KLHL5: variants seen among roughly 807,000 people sequenced by gnomAD.
KLHL5 encodes kelch like family member 5.
A neutral mutation model predicts 77.7 loss-of-function variants in KLHL5; 48 were observed. The ratio of observed to expected loss-of-function variants is 0.62; its 90% CI spans 0.49 to 0.79. The LOEUF is 0.79. Among genes scored for constraint, KLHL5 ranks in the 30% least tolerant of loss-of-function variants. The probability of loss-of-function intolerance (pLI) is 0.00; values close to 1 mark genes in which losing one functional copy is unlikely to be tolerated. For synonymous variants in KLHL5, 260 were observed against 297.0 expected, an observed-to-expected ratio of 0.88 and a Z score of 1.28; for missense variants, 723 against 859.7, an observed-to-expected ratio of 0.84 and a Z score of 1.99.
intron 9 of KLHL5, 156 bp downstream of exon 9, chr4:39,113,388 A>G: frequency 1.6e-6 from 1 of 617,220 alleles, no homozygotes; most frequent in Non-Finnish European, 2.8e-6. Context: ...TCTCACAGGA[A>G]GTGATACTTC....
At chr4:39,071,076 A>G (rs959597340) in intron 1 of KLHL5, among the ~76,000 whole-genome samples, 3 of 152,164 alleles carry the variant, frequency 2.0e-5, no homozygotes, top group African/African-American at 7.2e-5. Flanking sequence ...TTGTCTGTAT[A>G]TTATATAGAA....
chr4:39,119,165 G>A (rs1395880764), intron 10 of KLHL5, among the ~76,000 whole-genome samples: 2 of 152,114 alleles, frequency 1.3e-5, no homozygotes, highest in South Asian at 2.1e-4. Context: ...TATAATTAAT[G>A]CTTTATGCTA....
intron 1 of KLHL5, among the ~76,000 whole-genome samples, chr4:39,067,285 A>G (rs1332857936): frequency 6.6e-6 from 1 of 152,138 alleles, no homozygotes; most frequent in African/African-American, 2.4e-5. Flanking sequence ...TGCCTTACTC[A>G]GTTGAGATTT....
intron 7 of KLHL5, among the ~76,000 whole-genome samples, chr4:39,106,545 G>C (rs6810770): frequency 0.51 from 76,807 of 152,040 alleles, 19,596 homozygotes; most frequent in Admixed American, 0.58. Context: ...GCTCAGCTCC[G>C]TGCTGATGAA....
At chr4:39,082,287 A>T (rs1719688480) in intron 4 of KLHL5, 128 bp downstream of exon 4, 1 of 715,700 alleles carries the variant, frequency 1.4e-6, no homozygotes, top group African/African-American at 1.8e-5. Context: ...TTCATTGCCT[A>T]GTGTGTCATA....
At chr4:39,129,274 C>G (rs929249872), downstream of KLHL5, among the ~76,000 whole-genome samples, 172 of 150,478 alleles carry the variant, frequency 1.1e-3, no homozygotes, top group African/African-American at 4.1e-3. This position sits in a 1 kb window ranked among gnomAD's most constrained non-coding sequence, Gnocchi z 4.2. Context: ...GTGGCACAAT[C>G]TCGGCTCACT....
Position 39,063,390 on chromosome 4 carries a change from A to G in KLHL5, c.383+355A>G, listed in dbSNP as rs80125849. Among the ~76,000 whole-genome samples the G allele has an allele frequency of 7.3e-3, 1,107 of 152,294 alleles. 7 individuals carry two copies. The highest frequency in any genetic ancestry group is 0.011 in the Non-Finnish European group (769 of 68,006). ...TATCAAAACTATAGAAGATATTTCT[A>G]TAGTATGAAATTTTATGTGACATTT... On this transcript the variant is annotated intron_variant, in intron 1 of 10. Transcript: ENST00000504108.
chr4:39,090,274 TA>T (rs954616242), intron 5 of KLHL5, among the ~76,000 whole-genome samples: 4 of 152,188 alleles, frequency 2.6e-5, no homozygotes. Context: ...TGATACCAAC[TA>T]AATGAGATTT....
intron 1 of KLHL5, among the ~76,000 whole-genome samples, chr4:39,074,747 A>T (rs1718845059): frequency 6.6e-6 from 1 of 152,126 alleles, no homozygotes; most frequent in Non-Finnish European, 1.5e-5. Flanking sequence ...TGATAAGGTT[A>T]TTATATTAAC....
chr4:39,106,271 A>G (rs1722030732), intron 7 of KLHL5, among the ~76,000 whole-genome samples: 1 of 152,042 alleles, frequency 6.6e-6, no homozygotes, highest in Non-Finnish European at 1.5e-5. Context: ...TTCCCCAGCT[A>G]TCTCCAAATC....
At chr4:39,053,551 TG>T (rs1716806524) in intron 1 of KLHL5, among the ~76,000 whole-genome samples, 1 of 152,192 alleles carries the variant, frequency 6.6e-6, no homozygotes, top group African/African-American at 2.4e-5. Flanking sequence ...AATTTAGCAG[TG>T]GTTTTCCATC....
chr4:39,107,438 G>A (rs1399625103), intron 7 of KLHL5, 131 bp from the exon 8 acceptor site: 1 of 227,670 alleles, frequency 4.4e-6, no homozygotes, highest in South Asian at 1.1e-4. Context: ...GAGGACACTT[G>A]TCTGCATCAT....
intron 5 of KLHL5, chr4:39,093,370 T>C (rs1435202729): frequency 4.4e-6 from 2 of 455,586 alleles, no homozygotes; most frequent in Admixed American, 4.7e-5. Flanking sequence ...TAAATGGGCA[T>C]GTGGGATCTA....
chr4:39,105,807 CAA>C (rs758420720), intron 7 of KLHL5, among the ~76,000 whole-genome samples: 38 of 150,886 alleles, frequency 2.5e-4, no homozygotes, highest in Admixed American at 4.0e-4. Context: ...TGGTGGGGCA[CAA>C]TATATAACAT....
chr4:39,074,118 G>A (rs1718774953), intron 1 of KLHL5, among the ~76,000 whole-genome samples: 1 of 152,170 alleles, frequency 6.6e-6, no homozygotes, highest in Middle Eastern at 3.4e-3. Flanking sequence ...GTGAAGTTGA[G>A]TATTACTTGA....
chr4:39,061,727 C>T (rs1717427369), upstream of KLHL5, among the ~76,000 whole-genome samples: 1 of 152,184 alleles, frequency 6.6e-6, no homozygotes, highest in East Asian at 1.9e-4. Flanking sequence ...TTTCCTTTTC[C>T]TAAGTAATGT....
intron 7 of KLHL5, among the ~76,000 whole-genome samples, chr4:39,104,446 G>A (rs1054193702): frequency 6.6e-6 from 1 of 152,126 alleles, no homozygotes; most frequent in African/African-American, 2.4e-5. Flanking sequence ...AGTCAACTGC[G>A]TGCTTCCCCT....
At chr4:39,108,698 T>G (rs554250581) in intron 8 of KLHL5, among the ~76,000 whole-genome samples, 1 of 152,288 alleles carries the variant, frequency 6.6e-6, no homozygotes, top group South Asian at 2.1e-4. Context: ...CATCACTAGG[T>G]ATCTTTCTAA....
the KLHL5 span, among the ~76,000 whole-genome samples, chr4:39,140,188 C>A: frequency 6.6e-6 from 1 of 152,112 alleles, no homozygotes; most frequent in Admixed American, 6.5e-5. Context: ...AAGATCACCC[C>A]ACTGCACTCC....
Sources: gnomAD v4.1 joint callset for allele counts (sites outside exome capture counted in the v4.1 genomes callset) on GRCh38, gnomAD v4.1.1 for gene constraint, Gnocchi (gnomAD v3.1) non-coding constraint, MANE v1.5 for transcripts, NCBI Gene and HGNC (gene_info 2026-07-23, HGNC 2026-07-21) for gene names.